LMO7: variants seen among roughly 807,000 people sequenced by gnomAD.
The protein encoded by LMO7 is LIM domain 7.
In LMO7, 120 loss-of-function variants were observed where a neutral mutation model predicts 206.5. That is an observed-to-expected ratio of 0.58 (90% confidence interval 0.50 to 0.68). LMO7 has a LOEUF of 0.68. Among genes scored for constraint, LMO7 ranks in the 30% least tolerant of loss-of-function variants. The pLI is 0.00. For synonymous variants in LMO7, 706 were observed against 681.5 expected (o/e 1.04, Z -0.56); for missense variants, 1,959 against 1,957.9 (o/e 1.00, Z -0.01).
At chr13:75,772,496 T>C (rs1369482756) in intron 4 of LMO7, among the ~76,000 whole-genome samples, 3 of 152,076 alleles carry the variant, frequency 2.0e-5, no homozygotes, top group African/African-American at 7.2e-5. Context: ...CTTTATAAGA[T>C]AGGGTGGTTG....
At chr13:75,780,537 C>T (rs2051169693) in intron 4 of LMO7, among the ~76,000 whole-genome samples, 1 of 152,110 alleles carries the variant, frequency 6.6e-6, no homozygotes, top group South Asian at 2.1e-4. Context: ...TCTAGGTGCC[C>T]AGATTTTATG....
chr13:75,723,348 A>G (rs1441007735), intron 2 of LMO7, among the ~76,000 whole-genome samples: 2 of 127,766 alleles, frequency 1.6e-5, no homozygotes, highest in Non-Finnish European at 1.6e-5. Context: ...AGAAATATTC[A>G]TGTGTGAATG....
chr13:75,714,024 C>A (rs2043323059), intron 2 of LMO7, among the ~76,000 whole-genome samples: 1 of 152,106 alleles, frequency 6.6e-6, no homozygotes, highest in Non-Finnish European at 1.5e-5. Flanking sequence ...TTTTTGAAAG[C>A]ACTTAATTAT....
At chr13:75,787,073 T>C (rs2052555624) in intron 4 of LMO7, among the ~76,000 whole-genome samples, 1 of 152,152 alleles carries the variant, frequency 6.6e-6, no homozygotes, top group Admixed American at 6.5e-5. Flanking sequence ...CATGTGTGAG[T>C]TTATTTGCTT....
chr13:75,661,978 A>G (rs2139269225), intron 1 of LMO7, among the ~76,000 whole-genome samples: 1 of 152,228 alleles, frequency 6.6e-6, no homozygotes, highest in South Asian at 2.1e-4. Context: ...ATTCTTATTT[A>G]TTTGCCATTT....
At chr13:75,662,714 C>T (rs1296338358) in intron 1 of LMO7, among the ~76,000 whole-genome samples, 4 of 152,158 alleles carry the variant, frequency 2.6e-5, no homozygotes, top group East Asian at 3.8e-4. Flanking sequence ...TAATTTTCAG[C>T]CACTTTTTTG....
rs1044410320 is a variant in LMO7, at chr13:75,798,145, C to T, written c.462+1396C>T. ...CAGCACTTTGGGAGGCTGAGACAGGCGGATCACCTGAAGTTGTGAGTTCGA... is the reference window on the plus strand; with the variant it reads ...CAGCACTTTGGGAGGCTGAGACAGGTGGATCACCTGAAGTTGTGAGTTCGA... On this transcript the variant is annotated intron_variant, in intron 6 of 30. Coordinates refer to ENST00000377534, the MANE Select transcript of LMO7 (RefSeq NM_001306080.2). 9.9e-5 allele frequency among the ~76,000 whole-genome samples: 15 copies of T among 152,188 alleles called. 1 individual carries two copies. In the Middle Eastern group the frequency reaches 0.02, roughly 207 times the overall value.
At chr13:75,688,194 A>C (rs969921314) in intron 1 of LMO7, among the ~76,000 whole-genome samples, 8 of 152,192 alleles carry the variant, frequency 5.3e-5, no homozygotes, top group Non-Finnish European at 7.3e-5. Context: ...GCATGAGAGC[A>C]GAGTAACACA....
At chr13:75,740,083 G>A (rs2046294685) in intron 3 of LMO7, among the ~76,000 whole-genome samples, 1 of 152,206 alleles carries the variant, frequency 6.6e-6, no homozygotes, top group Non-Finnish European at 1.5e-5. Context: ...AATGAATTTT[G>A]TATGGTTGAA....
intron 1 of LMO7, among the ~76,000 whole-genome samples, chr13:75,694,379 G>A (rs943890013): frequency 6.6e-6 from 1 of 152,314 alleles, no homozygotes; most frequent in Admixed American, 6.5e-5. Flanking sequence ...GAAGGGGCTC[G>A]AAGGTAGGTA....
chr13:75,736,144 G>T (rs2045803276), intron 3 of LMO7, among the ~76,000 whole-genome samples: 1 of 152,186 alleles, frequency 6.6e-6, no homozygotes, highest in South Asian at 2.1e-4. Context: ...TCTATTTCAA[G>T]CTTCAGAAAT....
At chr13:75,747,875 T>C (rs1021381119) in intron 3 of LMO7, among the ~76,000 whole-genome samples, 2 of 152,128 alleles carry the variant, frequency 1.3e-5, no homozygotes, top group Non-Finnish European at 2.9e-5. Context: ...CAAGCATCCC[T>C]GTAAGAGGAA....
intron 5 of LMO7, 81 bp downstream of exon 5, chr13:75,795,512 A>G (rs2053879641): frequency 1.1e-6 from 1 of 918,514 alleles, no homozygotes; most frequent in South Asian, 1.5e-5. Flanking sequence ...ATCTAAAAGT[A>G]TACTCTACAT....
intron 28 of LMO7, among the ~76,000 whole-genome samples, chr13:75,854,078 C>T (rs1031785768): frequency 1.3e-5 from 2 of 152,008 alleles, no homozygotes; most frequent in African/African-American, 4.8e-5. Context: ...CAGATATCAG[C>T]CCTGCTTGGG....
chr13:75,759,904 G>C (rs538884), intron 3 of LMO7, among the ~76,000 whole-genome samples: 2 of 152,240 alleles, frequency 1.3e-5, no homozygotes, highest in South Asian at 4.1e-4. Context: ...GGAGGCTCAC[G>C]CCATAGAGGC....
At chr13:75,732,661 C>T (rs1323225576) in intron 3 of LMO7, among the ~76,000 whole-genome samples, 1 of 152,206 alleles carries the variant, frequency 6.6e-6, no homozygotes, top group African/African-American at 2.4e-5. Flanking sequence ...TGTTCCATTG[C>T]TGGTGAGGAA....
chr13:75,633,292 G>A (rs572332995), upstream of LMO7, among the ~76,000 whole-genome samples: 3 of 152,306 alleles, frequency 2.0e-5, no homozygotes, highest in Non-Finnish European at 2.9e-5. Flanking sequence ...TCAGTCAGTG[G>A]CCTCCCTTTC....
chr13:75,630,795 A>C (rs2034818222), intron 2 of LMO7, among the ~76,000 whole-genome samples: 1 of 151,094 alleles, frequency 6.6e-6, no homozygotes, highest in South Asian at 2.1e-4. Flanking sequence ...TGCTTTATAC[A>C]CTGCCTGTTT....
At chr13:75,846,809 C>T (rs1051542269) in intron 26 of LMO7, among the ~76,000 whole-genome samples, 3 of 152,054 alleles carry the variant, frequency 2.0e-5, no homozygotes, top group African/African-American at 4.8e-5. Flanking sequence ...AGGCCAGGCA[C>T]GGTGGCTCAC....
Sources: allele counts gnomAD v4.1 joint callset (sites outside exome capture counted in the v4.1 genomes callset), GRCh38; gene constraint gnomAD v4.1.1; transcripts MANE v1.5; gene names NCBI Gene and HGNC (gene_info 2026-07-23, HGNC 2026-07-21).